ZFYVE26: variants seen among roughly 807,000 people sequenced by gnomAD.
ZFYVE26 encodes zinc finger FYVE-type containing 26.
ZFYVE26 carries 181 observed loss-of-function variants against 276.5 expected under a neutral mutation model. The observed-to-expected ratio is 0.65, with a 90% confidence interval of 0.58 to 0.74. ZFYVE26 has a LOEUF of 0.74. Ranked by LOEUF, ZFYVE26 falls within the 30% of genes least tolerant of loss-of-function variation. ZFYVE26 has a pLI of 0.00. For missense variants in ZFYVE26, 2,821 were observed against 3,097.9 expected (o/e 0.91, Z 2.12); for synonymous variants, 1,129 against 1,203.1 (o/e 0.94, Z 1.27).
chr14:67,752,317 A>T, intron 40 of ZFYVE26, 27 bp downstream of exon 40: 1 of 1,597,744 alleles, frequency 6.3e-7, no homozygotes, highest in Non-Finnish European at 8.5e-7. Context: ...TTGATGGAGG[A>T]GCCAAGAGGT....
intron 27 of ZFYVE26, among the ~76,000 whole-genome samples, 186 bp downstream of exon 27, chr14:67,774,830 C>T (rs1017473969): frequency 2.7e-5 from 4 of 149,328 alleles, no homozygotes; most frequent in African/African-American, 9.9e-5. Context: ...CCACAAATAA[C>T]AATAGTTGAC....
At chr14:67,791,189 T>C (rs911273397) in intron 14 of ZFYVE26, among the ~76,000 whole-genome samples, 1 of 152,196 alleles carries the variant, frequency 6.6e-6, no homozygotes, top group African/African-American at 2.4e-5. Context: ...TGGCAATCCA[T>C]AAAGCTTTAA....
chr14:67,780,190 T>C (rs1316435968), intron 23 of ZFYVE26, 51 bp downstream of exon 23: 1 of 1,506,968 alleles, frequency 6.6e-7, no homozygotes, highest in Admixed American at 1.7e-5. Flanking sequence ...AGCTAAGGGG[T>C]TGTAACTCTG....
intron 4 of ZFYVE26, 86 bp from the exon 5 acceptor site, chr14:67,808,006 G>A: frequency 6.7e-7 from 1 of 1,499,912 alleles, no homozygotes. Context: ...CTCTTTTTCA[G>A]TTTACTTATA....
intron 13 of ZFYVE26, chr14:67,735,447 T>C (rs1456278406): frequency 1.7e-6 from 1 of 597,002 alleles, no homozygotes; most frequent in East Asian, 2.8e-5. Flanking sequence ...GCCTTGGCTC[T>C]GCACAAACAA....
In ZFYVE26 at chr14:67,785,858, C is replaced by G; in HGVS notation, c.3304G>C (p.Glu1102Gln). Residue 1102 changes from glutamate (E) to glutamine (Q), a missense_variant and splice_region_variant, in exon 18 of 42, where the codon GAG becomes CAG. Coordinates refer to ENST00000347230, the MANE Select transcript of ZFYVE26 (RefSeq NM_015346.4). ...TGTTCCCAAGCAGACAGCCTTATAC[C>G]TGGCAGCTCTAGTGCCTCTCTCAGT... is the stretch of plus-strand genomic sequence containing the variant. ...QSLREALELP[E>Q]PRTPPLSSLV... The G allele has an allele frequency of 6.2e-7, 1 of 1,614,130 alleles. No individual in the cohort carries two copies. Among genetic ancestry groups the G allele is most frequent in the South Asian group, 1.1e-5 (1 of 91,078 alleles).
chr14:67,802,897 T>C (rs530983366), intron 9 of ZFYVE26, among the ~76,000 whole-genome samples: 1 of 152,352 alleles, frequency 6.6e-6, no homozygotes, highest in Admixed American at 6.5e-5. Context: ...AGAAAGTTTG[T>C]GTCTCTCAAA....
At chr14:67,799,589 C>T (rs2040038511) in intron 10 of ZFYVE26, 3 of 1,485,448 alleles carry the variant, frequency 2.0e-6, no homozygotes, top group African/African-American at 1.4e-5. Context: ...AAAATCTGCT[C>T]TCAAGAAATA....
chr14:67,778,715 C>T (rs2039417632), intron 23 of ZFYVE26, among the ~76,000 whole-genome samples: 1 of 151,766 alleles, frequency 6.6e-6, no homozygotes, highest in Admixed American at 6.6e-5. Flanking sequence ...CATGTTCCCC[C>T]TCACTACCCC....
intron 25 of ZFYVE26, among the ~76,000 whole-genome samples, chr14:67,776,575 T>C (rs2039350423): frequency 6.6e-6 from 1 of 152,266 alleles, no homozygotes; most frequent in South Asian, 2.1e-4. Context: ...TGACCCTTAA[T>C]GCCACCATTC....
At chr14:67,799,738 G>A in intron 10 of ZFYVE26, 1 of 714,064 alleles carries the variant, frequency 1.4e-6, no homozygotes, top group Non-Finnish European at 2.4e-6. Context: ...GAATTTTTCA[G>A]ATTGACTAGG....
At position 67,747,225 on chromosome 14, in the gene ZFYVE26, A is replaced by G. The variant is rs999631685; in HGVS notation, c.*1211T>C. On this transcript the variant is annotated 3_prime_UTR_variant, in exon 42 of 42. Transcript: ENST00000347230. ...CACATCTTGCGTGGGAAGACAAGAC[A>G]GTGCATATTAAAGAAGCACTTCACC... The G allele has an allele frequency of 6.6e-6, 1 of 152,334 alleles. No individual in the cohort carries two copies. The highest frequency in any genetic ancestry group is 2.4e-5 in the African/African-American group (1 of 41,456). 9.4% of individuals were successfully genotyped at this position (152,334 alleles called of 1,614,324 possible). A position where few individuals can be genotyped will look rare whatever the true frequency, so the allele number is the denominator to read the frequency against.
chr14:67,795,843 G>T (rs2039940833), intron 12 of ZFYVE26, among the ~76,000 whole-genome samples: 1 of 152,128 alleles, frequency 6.6e-6, no homozygotes, highest in African/African-American at 2.4e-5. Flanking sequence ...AGATAAAAGA[G>T]ATTCCTAAGA....
chr14:67,797,549 G>C (rs1007241349), intron 12 of ZFYVE26, 123 bp downstream of exon 12: 38 of 1,081,852 alleles, frequency 3.5e-5, no homozygotes, highest in Non-Finnish European at 5.5e-6. Flanking sequence ...CCTTGAGGGA[G>C]TGGGAATAGG....
In ZFYVE26 at chr14:67,798,869, C is replaced by A. The variant is rs1234246612; in HGVS notation, c.1640-247G>T. ...GGGTCCCGCCCCGAGGCCAACCGGG[C>A]CTCCCCAGCCTTTTGGCCACCAGGC... On this transcript the variant is annotated intron_variant, in intron 10 of 41. Transcript: ENST00000347230. 4.7e-6 allele frequency: 4 copies of A among 859,870 alleles called. No homozygotes were observed. The East Asian group carries it at 8.0e-5, about 17-fold the overall frequency. 53.3% of individuals were successfully genotyped at this position (859,870 alleles called of 1,614,324 possible). A position where few individuals can be genotyped will look rare whatever the true frequency, so the allele number is the denominator to read the frequency against.
At chr14:67,758,188 T>G (rs1167419526) in intron 35 of ZFYVE26, among the ~76,000 whole-genome samples, 1 of 152,212 alleles carries the variant, frequency 6.6e-6, no homozygotes, top group African/African-American at 2.4e-5. Flanking sequence ...ACAAGCTGTT[T>G]GGAAGCAGAA....
At chr14:67,752,285 T>A (rs557593609) in intron 40 of ZFYVE26, 59 bp downstream of exon 40, 1 of 1,544,750 alleles carries the variant, frequency 6.5e-7, no homozygotes, top group East Asian at 2.4e-5. Context: ...ACAATAAAGA[T>A]GGGGATGTGA....
chr14:67,733,096 A>C (rs2038306192), intron 13 of ZFYVE26, among the ~76,000 whole-genome samples: 1 of 151,714 alleles, frequency 6.6e-6, no homozygotes, highest in Non-Finnish European at 1.5e-5. Context: ...CGTTGTGCAC[A>C]TGTACCCTAA....
intron 32 of ZFYVE26, among the ~76,000 whole-genome samples, chr14:67,764,247 T>C (rs2039002359): frequency 1.3e-5 from 2 of 152,220 alleles, no homozygotes; most frequent in South Asian, 4.1e-4. Context: ...ATCCACCAAT[T>C]ACCTAGAAAG....
Sources: gnomAD v4.1 joint callset for allele counts (sites outside exome capture counted in the v4.1 genomes callset) on GRCh38, gnomAD v4.1.1 for gene constraint, MANE v1.5 for transcripts, NCBI Gene and HGNC (gene_info 2026-07-23, HGNC 2026-07-21) for gene names.